ISY1: variants seen among roughly 807,000 people sequenced by gnomAD.
The protein encoded by ISY1 is pre-mRNA-splicing factor ISY1 homolog.
In ISY1, 12 loss-of-function variants were observed where a neutral mutation model predicts 54.4. That is an observed-to-expected ratio of 0.22 (90% CI 0.14 to 0.36). The LOEUF (loss-of-function observed/expected upper bound fraction) is 0.36, where lower values mean the gene tolerates loss of function less well. ISY1 is among the 10% of genes least tolerant of loss of function. The pLI is 1.00. For missense variants in ISY1, 282 were observed against 342.2 expected, an observed-to-expected ratio of 0.82 and a Z score of 1.39; for synonymous variants, 96 against 117.9, an observed-to-expected ratio of 0.81 and a Z score of 1.20.
intron 8 of ISY1, among the ~76,000 whole-genome samples, chr3:129,134,441 G>A (rs952528689): frequency 1.3e-5 from 2 of 152,182 alleles, no homozygotes; most frequent in Non-Finnish European, 2.9e-5. Context: ...TCCACAACCT[G>A]AGTGGATTCC....
At chr3:129,145,518 C>T (rs1352525142) in intron 6 of ISY1, among the ~76,000 whole-genome samples, 1 of 152,116 alleles carries the variant, frequency 6.6e-6, no homozygotes, top group Non-Finnish European at 1.5e-5. Context: ...CTACCATGCC[C>T]GGGCTCATGG....
chr3:129,152,289 T>C (rs1417313982), intron 5 of ISY1, among the ~76,000 whole-genome samples: 2 of 152,260 alleles, frequency 1.3e-5, no homozygotes, highest in African/African-American at 2.4e-5. Flanking sequence ...TCATACAGTT[T>C]TTCTTCTTTG....
At chr3:129,136,791 G>A (rs1324423490) in intron 7 of ISY1, among the ~76,000 whole-genome samples, 4 of 151,312 alleles carry the variant, frequency 2.6e-5, no homozygotes, top group East Asian at 1.9e-4. Flanking sequence ...CTGGGTTCAC[G>A]CCATTCTCCT....
chr3:129,140,395 C>G lies in ISY1; in HGVS notation c.391G>C (p.Gly131Arg). ...TCTTTTTCAAACAGCTCTCTAACAC[C>G]AGGCAAATCTTTTGCTGCTCCAAAG... ...KYFGAAKDLPGVRELFEKEPL... is the reference protein window; with the variant it reads ...KYFGAAKDLPRVRELFEKEPL... The change falls in exon 7 of 11, where the codon GGT becomes CGT. Residue 131 changes from glycine to arginine, a missense_variant. Transcript: ENST00000393295. 6.8e-6 allele frequency: 11 copies of G among 1,611,788 alleles called. No homozygotes were observed. The highest frequency in any genetic ancestry group is 9.3e-6 in the Non-Finnish European group (11 of 1,179,488).
At chr3:129,144,631 A>G (rs1936718639) in intron 6 of ISY1, among the ~76,000 whole-genome samples, 1 of 152,150 alleles carries the variant, frequency 6.6e-6, no homozygotes, top group African/African-American at 2.4e-5. Flanking sequence ...CAAACATCAA[A>G]TTTTTAAAAA....
chr3:129,138,849 T>C (rs1297584620), intron 7 of ISY1, among the ~76,000 whole-genome samples: 2 of 150,742 alleles, frequency 1.3e-5, no homozygotes, highest in African/African-American at 4.9e-5. Flanking sequence ...AGAAAGAAAC[T>C]GGAGGGAACA....
intron 5 of ISY1, among the ~76,000 whole-genome samples, chr3:129,149,597 AAAAAAAAAAAAAAATATATATATAT>A (rs1936877894): frequency 1.2e-5 from 1 of 82,036 alleles, no homozygotes; most frequent in African/African-American, 5.8e-5. Flanking sequence ...AAAAAAAAAA[AAAAAAAAAAAAAAATATATATATAT>A]ATATATATAT....
intron 5 of ISY1, among the ~76,000 whole-genome samples, chr3:129,155,824 C>T (rs1056294460): frequency 9.9e-5 from 15 of 151,360 alleles, no homozygotes; most frequent in African/African-American, 2.7e-4. Flanking sequence ...TAGGTTCAAG[C>T]GATTCTCCTG....
At chr3:129,148,124 T>C (rs941251763) in intron 5 of ISY1, among the ~76,000 whole-genome samples, 5 of 152,110 alleles carry the variant, frequency 3.3e-5, no homozygotes, top group African/African-American at 1.2e-4. Context: ...CCACGGTGCC[T>C]AGCCTATATG....
At chr3:129,151,129 A>AT (rs1238399800) in intron 5 of ISY1, among the ~76,000 whole-genome samples, 22 of 147,536 alleles carry the variant, frequency 1.5e-4, no homozygotes, top group East Asian at 7.8e-4. Context: ...CTCAAAAAAA[A>AT]ATATATATAT....
rs762654685 is a variant in ISY1, at chr3:129,157,526, C to T, written c.79-606G>A. Among the ~76,000 whole-genome samples the T allele has an allele frequency of 1.2e-3, 175 of 152,128 alleles. 2 individuals are homozygous for T. The highest frequency in any genetic ancestry group is 3.3e-3 in the Admixed American group (50 of 15,262). ...CTGAGGCCTGGAGTTTGAGACCAGT[C>T]TGGCCAACATGGTGAAACCCCATCT... On this transcript the variant is annotated intron_variant, in intron 3 of 10. Transcript: ENST00000393295.
At chr3:129,150,713 ATAAAAT>A (rs1406802991) in intron 5 of ISY1, among the ~76,000 whole-genome samples, 2 of 152,250 alleles carry the variant, frequency 1.3e-5, no homozygotes, top group African/African-American at 4.8e-5. Context: ...AAATAAATAA[ATAAAAT>A]TAAAATTAAA....
rs1560021056 is a variant in ISY1, at chr3:129,150,667, C to T, written c.188-4794G>A. On this transcript the variant is annotated intron_variant, in intron 5 of 10. Transcript: ENST00000393295. ...GGCGGAGCTTGCAGTGAGCTGCACTCCAGCCTGGACGCCAGAGCAAGACTC... is the reference window on the plus strand; with the variant it reads ...GGCGGAGCTTGCAGTGAGCTGCACTTCAGCCTGGACGCCAGAGCAAGACTC... Among the ~76,000 whole-genome samples the T allele has an allele frequency of 2.6e-5, 4 of 151,538 alleles. No homozygotes were observed. In the South Asian group the frequency reaches 8.4e-4, roughly 32 times the overall value.
chr3:129,133,145 C>CT (rs1936282017), intron 9 of ISY1, among the ~76,000 whole-genome samples: 1 of 152,136 alleles, frequency 6.6e-6, no homozygotes, highest in African/African-American at 2.4e-5. Flanking sequence ...AGAATACCTC[C>CT]TTTAATGCAG....
At chr3:129,149,606 AAAAAATATATATATAT>A (rs1936881378) in intron 5 of ISY1, among the ~76,000 whole-genome samples, 2 of 85,090 alleles carry the variant, frequency 2.4e-5, no homozygotes, top group Admixed American at 1.3e-4. Flanking sequence ...AAAAAAAAAA[AAAAAATATATATATAT>A]ATATATATAT....
chr3:129,139,979 A>C (rs1936559434), intron 7 of ISY1, among the ~76,000 whole-genome samples: 2 of 152,158 alleles, frequency 1.3e-5, no homozygotes, highest in South Asian at 4.1e-4. Flanking sequence ...GTTTGGCCCA[A>C]GATTGTATTT....
intron 1 of ISY1, among the ~76,000 whole-genome samples, chr3:129,160,448 T>G (rs954463521): frequency 6.6e-6 from 1 of 151,774 alleles, no homozygotes; most frequent in Non-Finnish European, 1.5e-5. Context: ...CATAGAACAC[T>G]TTCTGTCTAT....
Position 129,140,321 on chromosome 3 carries a change from T to A in ISY1, c.418+47A>T, listed in dbSNP as rs151260655. ...AGTTAGCATATAGCATATCTACTCT[T>A]ATGATTATTACCAATGAAAGGCTAA... On this transcript the variant is annotated intron_variant, in intron 7 of 10. Transcript: ENST00000393295. 5.1e-4 allele frequency: 789 copies of A among 1,542,992 alleles called. 3 individuals carry two copies. In the East Asian group the frequency reaches 0.017, roughly 34 times the overall value.
chr3:129,151,220 G>C (rs1013714619), intron 5 of ISY1, among the ~76,000 whole-genome samples: 13 of 148,884 alleles, frequency 8.7e-5, no homozygotes, highest in African/African-American at 3.2e-4. Context: ...TATGGGGTGT[G>C]TGTGTATATA....
Sources: gnomAD v4.1 joint callset for allele counts (sites outside exome capture counted in the v4.1 genomes callset) on GRCh38, gnomAD v4.1.1 for gene constraint, MANE v1.5 for transcripts, NCBI Gene and HGNC (gene_info 2026-07-23, HGNC 2026-07-21) for gene names.